Variants in FER1L5 observed in about 807,000 individuals in gnomAD.
FER1L5 encodes the protein fer-1 like family member 5.
Under a neutral mutation model 279.9 loss-of-function variants are expected in FER1L5, and 187 were observed. The ratio of observed to expected loss-of-function variants is 0.67; its 90% confidence interval spans 0.59 to 0.75. FER1L5 has a LOEUF of 0.75. Among genes scored for constraint, FER1L5 ranks in the 30% least tolerant of loss-of-function variants. FER1L5 has a pLI of 0.00. For missense variants in FER1L5, 2,091 were observed against 2,594.4 expected (o/e 0.81, Z 4.21); for synonymous variants, 921 against 989.7 (o/e 0.93, Z 1.30).
At chr2:96,651,665 T>TA (rs1331910410) in intron 6 of FER1L5, among the ~76,000 whole-genome samples, 1 of 152,028 alleles carries the variant, frequency 6.6e-6, no homozygotes, top group Non-Finnish European at 1.5e-5. Context: ...CAAGCTCAGC[T>TA]AATTTTTTTG....
chr2:96,684,498 G>A, intron 20 of FER1L5, 47 bp downstream of exon 20: 1 of 1,529,634 alleles, frequency 6.5e-7, no homozygotes, highest in Non-Finnish European at 8.8e-7. Context: ...GTTTCAGAGT[G>A]TGGCTGGGAG....
rs2077284270 is a variant in FER1L5 at position 96,694,451 on chromosome 2, G to A, written c.3728G>A (p.Arg1243Lys). 1 of 1,546,472 alleles carries A rather than the reference G, an allele frequency of 6.5e-7. No homozygotes were observed. Among genetic ancestry groups the A allele is most frequent in the African/African-American group, 1.4e-5 (1 of 72,978 alleles). Reference sequence around the variant, plus strand: ...AAGAGCATCCAGCCCACGATAAAGAGGATGGCCATTGAGGTGCTGGCGATG... The same window carrying A: ...AAGAGCATCCAGCCCACGATAAAGAAGATGGCCATTGAGGTGCTGGCGATG... ...LPKSIQPTIK[R>K]MAIEILAWGL... The change falls in exon 34 of 53, where the codon AGG (arginine) becomes AAG (lysine). Residue 1243 changes from arginine (R) to lysine (K), a missense_variant. Arg to Lys is a conservative substitution (Grantham distance 26). Transcript: ENST00000624922. This position sits in a 1 kb window ranked among gnomAD's most constrained non-coding sequence, Gnocchi z 4.6.
At chr2:96,680,576 C>G (rs181663447) in intron 19 of FER1L5, among the ~76,000 whole-genome samples, 136 of 152,138 alleles carry the variant, frequency 8.9e-4, no homozygotes, top group Admixed American at 5.4e-3. Flanking sequence ...CTCGGCATCT[C>G]CCTTTTTCCC....
intron 23 of FER1L5, among the ~76,000 whole-genome samples, chr2:96,687,129 T>TC (rs1376589192): frequency 6.6e-6 from 1 of 151,502 alleles, no homozygotes; most frequent in Non-Finnish European, 1.5e-5. Context: ...GGCCACTCCC[T>TC]CCCCCTTCAG....
At position 96,701,972 on chromosome 2, in the gene FER1L5, G is replaced by A. The variant is rs1177302613; in HGVS notation, c.5088G>A (p.Trp1696Ter). The A allele has an allele frequency of 4.3e-6, 7 of 1,613,978 alleles. No homozygotes were observed. The highest frequency in any genetic ancestry group is 5.9e-6 in the Non-Finnish European group (7 of 1,179,882). ...PGIDQGKVQM[W>*]VDIFPKKLGP... The stretch of plus-strand genomic sequence containing the variant: ...GGCTCTAGGGAAAGGTGCAAATGTG[G>A]GTGGACATCTTCCCCAAGAAGCTGG... Residue 1696 changes from tryptophan to a stop codon, truncating the protein, a stop_gained, in exon 46 of 53, where the codon TGG (tryptophan) becomes TGA (stop). Transcript: ENST00000624922. LOFTEE classifies it high-confidence loss of function.
At chr2:96,679,829 A>G (rs1220766784) in intron 19 of FER1L5, among the ~76,000 whole-genome samples, 1 of 151,586 alleles carries the variant, frequency 6.6e-6, no homozygotes, top group Non-Finnish European at 1.5e-5. Flanking sequence ...TTCTATCCTT[A>G]TTTCCATGCC....
intron 14 of FER1L5, among the ~76,000 whole-genome samples, chr2:96,666,696 G>A (rs913481149): frequency 6.6e-6 from 1 of 151,582 alleles, no homozygotes; most frequent in African/African-American, 2.4e-5. Flanking sequence ...TGTTGCCCAG[G>A]CTAGACTGCA....
At chr2:96,663,311 C>A in intron 13 of FER1L5, 128 bp from the exon 14 acceptor site, 1 of 808,018 alleles carries the variant, frequency 1.2e-6, no homozygotes, top group South Asian at 1.5e-5. Context: ...GTCTTGAGAG[C>A]AGGGATTAGC....
At chr2:96,697,625 C>T (rs773633965) in intron 38 of FER1L5, 35 bp from the exon 39 acceptor site, 14 of 1,613,832 alleles carry the variant, frequency 8.7e-6, no homozygotes, top group Middle Eastern at 3.3e-4. Flanking sequence ...GGGGCTGCCC[C>T]TGCCCGAGGC....
chr2:96,684,869 A>G (rs1011527296), intron 20 of FER1L5, among the ~76,000 whole-genome samples: 6 of 152,148 alleles, frequency 3.9e-5, no homozygotes, highest in Non-Finnish European at 8.8e-5. Context: ...GTAGAAGGGA[A>G]TAACCTGCAA....
At chr2:96,649,581 T>C in intron 4 of FER1L5, 42 bp from the exon 5 acceptor site, 3 of 1,546,792 alleles carry the variant, frequency 1.9e-6, no homozygotes, top group East Asian at 2.4e-5. Context: ...TGTCCAAGGA[T>C]GGCAGGGTCT....
At position 96,691,549 on chromosome 2, in the gene FER1L5, C is replaced by T; in HGVS notation, c.3012C>T (p.Arg1004=). 2.6e-6 allele frequency: 4 copies of T among 1,549,708 alleles called. No individual in the cohort carries two copies. The South Asian group carries it at 4.8e-5, about 18-fold the overall frequency. Residue 1004 remains arginine (R), a synonymous_variant, in exon 29 of 53, where the codon CGC becomes CGT. Transcript: ENST00000624922. The surrounding 1 kb of genome is among the most constrained non-coding windows in gnomAD (Gnocchi z 6.0). ...GCCGGTTCCGCCGCCGCTGCTGGCG[C>T]CGCAGGCTGGCCCCCAACAAGGACA... ...PQSRFRRRCW[R]RRLAPNKDKG...
At position 96,689,855 on chromosome 2, in the gene FER1L5, C is replaced by A; in HGVS notation, c.2640+97C>A. On this transcript the variant is annotated intron_variant, in intron 26 of 52. Transcript: ENST00000624922. The surrounding 1 kb of genome is among the most constrained non-coding windows in gnomAD (Gnocchi z 4.6). Reference sequence around the variant, plus strand: ...GGGTCCCAGTGGAAAGGGTCTGAGCCCTATGCCCTGCACTATGTGTGGGGC... The same window carrying A: ...GGGTCCCAGTGGAAAGGGTCTGAGCACTATGCCCTGCACTATGTGTGGGGC... 1 of 1,067,976 alleles carries A rather than the reference C, an allele frequency of 9.4e-7. No homozygotes were observed. The highest frequency in any genetic ancestry group is 1.3e-6 in the Non-Finnish European group (1 of 747,910). 66.2% of individuals were successfully genotyped at this position (1,067,976 alleles called of 1,614,324 possible).
In FER1L5 at chr2:96,693,189, A is replaced by G. The variant is rs111723522; in HGVS notation, c.3293-317A>G. Among the ~76,000 whole-genome samples, 1,075 of 149,676 alleles carry G rather than the reference A, an allele frequency of 7.2e-3. 7 individuals are homozygous for G. The highest frequency in any genetic ancestry group is 0.024 in the Middle Eastern group (7 of 292). On this transcript the variant is annotated intron_variant, in intron 31 of 52. Transcript: ENST00000624922. ...AACTCTGACTCAAAAAAAAAAGAGA[A>G]AAAAAAAAAAGGGCAGTCACAAGTG...
At chr2:96,690,427 G>T in intron 26 of FER1L5, 60 bp from the exon 27 acceptor site, 1 of 1,475,072 alleles carries the variant, frequency 6.8e-7, no homozygotes, top group Non-Finnish European at 9.3e-7. Context: ...GGAAGAGGGA[G>T]GGAGGGCAGC....
At chr2:96,687,700 G>A in intron 23 of FER1L5, 116 bp from the exon 24 acceptor site, 1 of 1,452,658 alleles carries the variant, frequency 6.9e-7, no homozygotes. Flanking sequence ...AGCTCAGTGA[G>A]GGCCCCGCTC....
At chr2:96,655,277 T>C (rs766556703) in intron 9 of FER1L5, among the ~76,000 whole-genome samples, 1 of 152,224 alleles carries the variant, frequency 6.6e-6, no homozygotes, top group Admixed American at 6.5e-5. Flanking sequence ...TTTACAGTCA[T>C]GATGGGCTAA....
intron 9 of FER1L5, among the ~76,000 whole-genome samples, chr2:96,659,480 TCTTTCTTTCTTTCTTTCTTTCTTTCTTTC>T (rs2075849226): frequency 3.0e-5 from 1 of 33,330 alleles, no homozygotes; most frequent in Non-Finnish European, 4.6e-5. Flanking sequence ...TTTCTTTCTT[TCTTTCTTTCTTTCTTTCTTTCTTTCTTTC>T]GAGACAGAGT....
chr2:96,659,505 CTTTCG>C lies in FER1L5; in HGVS notation c.748-835_748-831del. On this transcript the variant is annotated intron_variant, in intron 9 of 52. Transcript: ENST00000624922. ...TCTTTCTTTCTTTCTTTCTTTCTTTCTTTCGAGACAGAGTCTCGCTCTGTCGCCCA... is the reference window on the plus strand; with the variant it reads ...TCTTTCTTTCTTTCTTTCTTTCTTTCAGACAGAGTCTCGCTCTGTCGCCCA... Among the ~76,000 whole-genome samples, 2 of 51,018 alleles carry C rather than the reference CTTTCG, an allele frequency of 3.9e-5. 1 individual carries two copies. The highest frequency in any genetic ancestry group is 3.3e-4 in the African/African-American group (2 of 5,976). The allele number at this position is 51,018 out of a possible 152,430, so 33.5% of individuals were successfully genotyped here. A position where few individuals can be genotyped will look rare whatever the true frequency, so the allele number is the denominator to read the frequency against.
Sources: allele counts gnomAD v4.1 joint callset (sites outside exome capture counted in the v4.1 genomes callset), GRCh38; gene constraint gnomAD v4.1.1; non-coding constraint Gnocchi (gnomAD v3.1); transcripts MANE v1.5; gene names NCBI Gene and HGNC (gene_info 2026-07-23, HGNC 2026-07-21).